Variants in WDR64 observed in about 807,000 individuals in gnomAD.
The protein encoded by WDR64 is WD repeat domain 64.
Under a neutral mutation model 139.3 loss-of-function variants are expected in WDR64, and 112 were observed. The observed-to-expected ratio is 0.80, with a 90% CI of 0.69 to 0.94. WDR64 has a LOEUF of 0.94. WDR64 is among the 40% of genes least tolerant of loss of function. WDR64 has a pLI of 0.00. For synonymous variants in WDR64, 444 were observed against 437.7 expected (o/e 1.01, Z -0.18); for missense variants, 1,206 against 1,293.1 (o/e 0.93, Z 1.03).
chr1:241,743,508 T>C (rs767066726), intron 12 of WDR64, among the ~76,000 whole-genome samples: 31 of 152,140 alleles, frequency 2.0e-4, no homozygotes, highest in Non-Finnish European at 3.8e-4. Context: ...ACTCCCCCTC[T>C]TACCCAGCTA....
At chr1:241,695,321 G>GT (rs933900465) in intron 8 of WDR64, among the ~76,000 whole-genome samples, 6 of 151,998 alleles carry the variant, frequency 3.9e-5, no homozygotes, top group South Asian at 2.1e-4. Context: ...ACAACTATAT[G>GT]TTTTTTTTCC....
At chr1:241,757,260 C>T (rs6663895) in intron 14 of WDR64, 23 bp from the exon 15 acceptor site, 232,483 of 1,596,418 alleles carry the variant, frequency 0.15, 18,855 homozygotes, top group African/African-American at 0.19. Context: ...ACTTTTCATG[C>T]ACTCACTGGA....
At chr1:241,660,500 T>G (rs777495293) in intron 1 of WDR64, 30 bp from the exon 2 acceptor site, 1 of 1,542,446 alleles carries the variant, frequency 6.5e-7, no homozygotes, top group Non-Finnish European at 8.8e-7. Flanking sequence ...TGGAATTTGA[T>G]GAAAATGGAC....
chr1:241,795,339 C>T, intron 26 of WDR64, 52 bp downstream of exon 26: 2 of 1,486,490 alleles, frequency 1.3e-6, no homozygotes, highest in South Asian at 1.2e-5. Flanking sequence ...AGAGAATCTG[C>T]CATCTCATTC....
chr1:241,746,263 G>A (rs1358026479), intron 13 of WDR64, among the ~76,000 whole-genome samples: 1 of 152,086 alleles, frequency 6.6e-6, no homozygotes, highest in Non-Finnish European at 1.5e-5. Flanking sequence ...AAGAAATGGG[G>A]TAGGGTTAAA....
At chr1:241,701,267 T>TGC (rs1449668029) in intron 8 of WDR64, among the ~76,000 whole-genome samples, 1 of 150,180 alleles carries the variant, frequency 6.7e-6, no homozygotes, top group Non-Finnish European at 1.5e-5. Context: ...TACACATGCG[T>TGC]GCACATGCGC....
chr1:241,705,559 AAATAATAAT>A (rs71174832), intron 8 of WDR64, among the ~76,000 whole-genome samples: 122 of 136,656 alleles, frequency 8.9e-4, no homozygotes, highest in African/African-American at 2.7e-3. Context: ...ATAAATAAAT[AAATAATAAT>A]AATAATAATA....
At chr1:241,654,119 A>G (rs1338302144) in intron 1 of WDR64, among the ~76,000 whole-genome samples, 1 of 152,020 alleles carries the variant, frequency 6.6e-6, no homozygotes. Context: ...CCCCTTTTCC[A>G]CTTCTGAATC....
chr1:241,727,178 T>G (rs1668878653), intron 10 of WDR64, among the ~76,000 whole-genome samples: 1 of 152,136 alleles, frequency 6.6e-6, no homozygotes, highest in Admixed American at 6.5e-5. Flanking sequence ...TGAGCCACCG[T>G]GCCCAGCTTA....
rs777502504 is a variant in WDR64, at chr1:241,660,524, A to G, written c.146-6A>G. The G allele has an allele frequency of 1.6e-4, 248 of 1,550,356 alleles. No individual in the cohort carries two copies. The highest frequency in any genetic ancestry group is 1.9e-4 in the Non-Finnish European group (220 of 1,146,384). On this transcript the variant is annotated splice_polypyrimidine_tract_variant and splice_region_variant and intron_variant, in intron 1 of 27. Transcript: ENST00000437684. Reference sequence around the variant, plus strand: ...ATGAAAATGGACTGTACTTTTTTCAATGCAGATGCAATTGGTTATGACAAG... The same window carrying G: ...ATGAAAATGGACTGTACTTTTTTCAGTGCAGATGCAATTGGTTATGACAAG...
chr1:241,773,389 A>C (rs1240164380), intron 20 of WDR64, among the ~76,000 whole-genome samples: 6 of 152,220 alleles, frequency 3.9e-5, no homozygotes, highest in Non-Finnish European at 5.9e-5. Flanking sequence ...GGAAAGGTGA[A>C]TCCGGCATGA....
intron 10 of WDR64, among the ~76,000 whole-genome samples, chr1:241,728,384 G>GT (rs1388888939): frequency 4.0e-5 from 6 of 149,392 alleles, no homozygotes; most frequent in African/African-American, 1.5e-4. Flanking sequence ...CATGTTTTTG[G>GT]TTTTTTTATT....
At chr1:241,741,738 T>C (rs1311810396) in intron 12 of WDR64, 74 bp downstream of exon 12, 3 of 1,420,824 alleles carry the variant, frequency 2.1e-6, no homozygotes, top group Admixed American at 2.5e-5. Flanking sequence ...AAATAAATCA[T>C]TGAGTGATTA....
chr1:241,675,117 CTCCCTCCT>C (rs1425891001), intron 4 of WDR64, among the ~76,000 whole-genome samples: 3 of 83,182 alleles, frequency 3.6e-5, no homozygotes, highest in Non-Finnish European at 7.3e-5. Context: ...TCCTTCCTCC[CTCCCTCCT>C]TCCCTCCTTC....
At chr1:241,680,806 T>C (rs562958514) in intron 6 of WDR64, among the ~76,000 whole-genome samples, 3 of 78,488 alleles carry the variant, frequency 3.8e-5, no homozygotes, top group Admixed American at 1.3e-4. Context: ...CATCAATCTC[T>C]TTCTGGCTCT....
Position 241,797,008 on chromosome 1 carries a change from CT to C in WDR64, c.3192+640del, listed in dbSNP as rs1273020121. Among the ~76,000 whole-genome samples, 11 of 152,272 alleles carry C rather than the reference CT, an allele frequency of 7.2e-5. No homozygotes were observed. The East Asian group carries it at 1.9e-3, about 27-fold the overall frequency. The stretch of plus-strand genomic sequence containing the variant: ...CATAGAGGAGGGCTGTATAACCATC[CT>C]TGTGTCTTAATTTGGTTGTACCTAC... On this transcript the variant is annotated intron_variant, in intron 27 of 27. Coordinates refer to ENST00000437684, the MANE Select transcript of WDR64 (RefSeq NM_001367482.1).
rs1316318063 is a variant in WDR64 at position 241,780,057 on chromosome 1, GA to G, written c.2594del (p.Lys865ArgfsTer19). 7 of 1,585,944 alleles carry G rather than the reference GA, an allele frequency of 4.4e-6. No individual in the cohort carries two copies. Among genetic ancestry groups the G allele is most frequent in the Non-Finnish European group, 5.1e-6 (6 of 1,172,124 alleles). ...ISSFLDPPHDEKKFKQLLSWR... is the reference protein window; with the variant it reads ...ISSFLDPPHDXKKFKQLLSWR... ...CTCTTTCCTGGATCCACCTCATGAT[GA>G]AAAGGTAAGAACTTCAGTTTTCCAC... is the stretch of plus-strand genomic sequence containing the variant. On this transcript the variant is annotated frameshift_variant, in exon 22 of 28. Transcript: ENST00000437684. LOFTEE classifies it high-confidence loss of function.
chr1:241,689,958 G>T (rs1015655756), intron 8 of WDR64, among the ~76,000 whole-genome samples: 32 of 151,944 alleles, frequency 2.1e-4, no homozygotes, highest in African/African-American at 7.7e-4. Flanking sequence ...AAAACTGTGG[G>T]CAACTGTGAA....
intron 10 of WDR64, among the ~76,000 whole-genome samples, chr1:241,736,562 A>G (rs1216838469): frequency 6.6e-6 from 1 of 152,192 alleles, no homozygotes; most frequent in African/African-American, 2.4e-5. Context: ...GTATGACAGT[A>G]GCAAAGAAGG....
Sources: gnomAD v4.1 joint callset for allele counts (sites outside exome capture counted in the v4.1 genomes callset) on GRCh38, gnomAD v4.1.1 for gene constraint, MANE v1.5 for transcripts, NCBI Gene and HGNC (gene_info 2026-07-23, HGNC 2026-07-21) for gene names.